Variants in SMURF2 observed in about 807,000 individuals in gnomAD.
SMURF2 encodes SMAD specific E3 ubiquitin protein ligase 2.
In SMURF2, 48 loss-of-function variants were observed where a neutral mutation model predicts 109.6. The observed-to-expected ratio is 0.44, with a 90% CI of 0.35 to 0.56. The LOEUF (loss-of-function observed/expected upper bound fraction) is 0.56, where lower values mean the gene tolerates loss of function less well. SMURF2 is among the 20% of genes least tolerant of loss of function. The pLI is 0.01. For missense variants in SMURF2, 575 were observed against 909.0 expected (o/e 0.63, Z 4.72); for synonymous variants, 288 against 317.1 (o/e 0.91, Z 0.97).
chr17:64,598,549 T>C (rs1568189295), intron 2 of SMURF2, 59 bp from the exon 3 acceptor site: 1 of 1,368,140 alleles, frequency 7.3e-7, no homozygotes, highest in South Asian at 1.4e-5. Context: ...AGATTAATTA[T>C]ACAAGCATTC....
chr17:64,604,035 C>T (rs1969935626), intron 2 of SMURF2, among the ~76,000 whole-genome samples: 2 of 152,208 alleles, frequency 1.3e-5, no homozygotes, highest in African/African-American at 4.8e-5. Context: ...AATAAACACA[C>T]ATTCATTTAT....
intron 10 of SMURF2, among the ~76,000 whole-genome samples, chr17:64,568,143 C>T (rs782256013): frequency 2.6e-5 from 4 of 151,938 alleles, no homozygotes; most frequent in African/African-American, 7.3e-5. Flanking sequence ...TGTGGGCCAC[C>T]GCGCCTGGCC....
At chr17:64,639,909 G>C (rs537501095) in intron 1 of SMURF2, among the ~76,000 whole-genome samples, 11 of 152,278 alleles carry the variant, frequency 7.2e-5, no homozygotes, top group African/African-American at 2.6e-4. Context: ...GCAGCATTAG[G>C]TAAAAACTAA....
In SMURF2 at chr17:64,547,748, G is replaced by A; in HGVS notation, c.1923C>T (p.Thr641=). Residue 641 remains threonine, a synonymous_variant, in exon 17 of 19, where the codon ACC becomes ACT. Coordinates refer to ENST00000262435, the MANE Select transcript of SMURF2 (RefSeq NM_022739.4). This position sits in a 1 kb window ranked among gnomAD's most constrained non-coding sequence, Gnocchi z 4.2. ...TGTCTGGTGTACAGTGTTTTAACCG[G>A]GTGTTTACCTTCCAGTCATTAACAT... is the stretch of plus-strand genomic sequence containing the variant. The part of the protein sequence containing the change: ...KIDVNDWKVN[T]RLKHCTPDSN... 2 of 1,614,178 alleles carry A rather than the reference G, an allele frequency of 1.2e-6. No homozygotes were observed. Among genetic ancestry groups the A allele is most frequent in the Non-Finnish European group, 1.7e-6 (2 of 1,180,028 alleles).
At chr17:64,590,150 T>C (rs1235499909) in intron 5 of SMURF2, among the ~76,000 whole-genome samples, 1 of 151,144 alleles carries the variant, frequency 6.6e-6, no homozygotes, top group Admixed American at 6.6e-5. Flanking sequence ...TTTTCTTTTT[T>C]TTTTTTTTTG....
At chr17:64,578,607 A>G (rs1555686274) in intron 8 of SMURF2, 31 bp from the exon 9 acceptor site, 4 of 1,454,434 alleles carry the variant, frequency 2.8e-6, no homozygotes, top group Non-Finnish European at 3.9e-6. Flanking sequence ...GATAACAAAA[A>G]CATTCAGAGT....
intron 9 of SMURF2, among the ~76,000 whole-genome samples, chr17:64,576,558 G>A (rs1405374109): frequency 4.0e-5 from 6 of 151,090 alleles, no homozygotes; most frequent in African/African-American, 1.5e-4. Context: ...TAGCTACTCA[G>A]GAGGCTGAGG....
At chr17:64,586,248 A>G (rs1350088849) in intron 5 of SMURF2, 78 bp from the exon 6 acceptor site, 28 of 893,784 alleles carry the variant, frequency 3.1e-5, no homozygotes, top group Non-Finnish European at 4.8e-5. Context: ...TATCTTCAGA[A>G]GACATCTGAC....
At chr17:64,590,034 A>C (rs1969727945) in intron 5 of SMURF2, among the ~76,000 whole-genome samples, 1 of 152,090 alleles carries the variant, frequency 6.6e-6, no homozygotes. Context: ...CTGCCTTGTA[A>C]AATAAAGTAC....
rs1447660970 is a variant in SMURF2, at chr17:64,543,046, TAAC to T, written c.*2799_*2801del. ...GAAAACAGATATCACATATCTGAAATAACAATACAGCTAGAGGGAAGACAAGAA... is the reference window on the plus strand; with the variant it reads ...GAAAACAGATATCACATATCTGAAATAATACAGCTAGAGGGAAGACAAGAA... On this transcript the variant is annotated 3_prime_UTR_variant, in exon 19 of 19. Coordinates refer to ENST00000262435, the MANE Select transcript of SMURF2 (RefSeq NM_022739.4). The T allele has an allele frequency of 1.3e-5, 2 of 151,964 alleles. No individual in the cohort carries two copies. Among genetic ancestry groups the T allele is most frequent in the African/African-American group, 4.8e-5 (2 of 41,364 alleles). The allele number at this position is 151,964 out of a possible 1,614,324, so 9.4% of individuals were successfully genotyped here.
intron 10 of SMURF2, among the ~76,000 whole-genome samples, chr17:64,569,520 A>C (rs768596032): frequency 1.3e-5 from 2 of 152,180 alleles, no homozygotes; most frequent in Admixed American, 6.6e-5. Context: ...CTCAATAGAC[A>C]ATGGCAAAAA....
chr17:64,613,173 G>GAAT (rs1970069377), intron 1 of SMURF2, among the ~76,000 whole-genome samples: 1 of 152,046 alleles, frequency 6.6e-6, no homozygotes, highest in Non-Finnish European at 1.5e-5. Context: ...AATGTACCTT[G>GAAT]GGGACTAGAA....
intron 10 of SMURF2, 80 bp downstream of exon 10, chr17:64,571,718 C>T (rs1969401565): frequency 4.3e-6 from 6 of 1,399,920 alleles, no homozygotes; most frequent in African/African-American, 1.4e-5. Flanking sequence ...TGTATCGAGA[C>T]TCACATTTAT....
intron 1 of SMURF2, among the ~76,000 whole-genome samples, chr17:64,642,054 G>A (rs572180327): frequency 1.3e-5 from 2 of 152,278 alleles, no homozygotes; most frequent in East Asian, 1.9e-4. Flanking sequence ...CAATCTGCCC[G>A]ACTCAGCCTC....
intron 12 of SMURF2, among the ~76,000 whole-genome samples, chr17:64,560,031 T>C (rs1380377488): frequency 1.3e-5 from 2 of 151,400 alleles, no homozygotes; most frequent in Admixed American, 6.6e-5. Context: ...GGATTACAGG[T>C]GTGAGCCACT....
chr17:64,556,347 A>C (rs1018624687), intron 13 of SMURF2, among the ~76,000 whole-genome samples: 1 of 152,098 alleles, frequency 6.6e-6, no homozygotes, highest in African/African-American at 2.4e-5. Context: ...CATGAAAAAA[A>C]ATCTTTCAAT....
chr17:64,593,124 A>G (rs1485021482), intron 4 of SMURF2: 1 of 155,856 alleles, frequency 6.4e-6, no homozygotes, highest in Non-Finnish European at 1.4e-5. Flanking sequence ...CTGGATATCA[A>G]TCATTTCTTA....
chr17:64,647,874 T>G (rs1598315207), intron 1 of SMURF2, among the ~76,000 whole-genome samples: 1 of 151,238 alleles, frequency 6.6e-6, no homozygotes, highest in East Asian at 2.0e-4. Flanking sequence ...TGGGCAACAG[T>G]GAGACCCAGT....
chr17:64,597,217 A>T (rs1405914698), intron 3 of SMURF2, among the ~76,000 whole-genome samples: 1 of 152,088 alleles, frequency 6.6e-6, no homozygotes, highest in Non-Finnish European at 1.5e-5. Context: ...CAGACTGGGC[A>T]ATATAGCAAG....
Sources: allele counts gnomAD v4.1 joint callset (sites outside exome capture counted in the v4.1 genomes callset), GRCh38; gene constraint gnomAD v4.1.1; non-coding constraint Gnocchi (gnomAD v3.1); transcripts MANE v1.5; gene names NCBI Gene and HGNC (gene_info 2026-07-23, HGNC 2026-07-21).